VAV3: variants seen among roughly 807,000 people sequenced by gnomAD.
VAV3 encodes the protein guanine nucleotide exchange factor VAV3.
VAV3 carries 94 observed loss-of-function variants against 131.2 expected under a neutral mutation model. The ratio of observed to expected loss-of-function variants is 0.72; its 90% CI spans 0.61 to 0.85. The LOEUF is 0.85. Among genes scored for constraint, VAV3 ranks in the 40% least tolerant of loss-of-function variants. The pLI, the probability that VAV3 is intolerant of heterozygous loss-of-function variation, is 0.00. For synonymous variants in VAV3, 349 were observed against 342.0 expected, an observed-to-expected ratio of 1.02 and a Z score of -0.22; for missense variants, 939 against 1,002.7, an observed-to-expected ratio of 0.94 and a Z score of 0.86.
At chr1:107,818,521 A>T (rs868525877) in intron 2 of VAV3, among the ~76,000 whole-genome samples, 37 of 152,184 alleles carry the variant, frequency 2.4e-4, no homozygotes, top group African/African-American at 8.7e-4. Flanking sequence ...CATATTAGAA[A>T]AACAAACTAT....
chr1:107,635,628 A>AT (rs752034171), intron 20 of VAV3, among the ~76,000 whole-genome samples: 127 of 152,190 alleles, frequency 8.3e-4, no homozygotes, highest in Non-Finnish European at 1.7e-3. Flanking sequence ...AATAAAATAA[A>AT]TTTTTTAAAA....
chr1:107,871,270 T>C (rs1670240380), intron 2 of VAV3, among the ~76,000 whole-genome samples: 1 of 152,134 alleles, frequency 6.6e-6, no homozygotes. Flanking sequence ...AGATTCATCT[T>C]TTTTCAAAAG....
At chr1:107,719,853 TA>T (rs1661374069) in intron 15 of VAV3, among the ~76,000 whole-genome samples, 1 of 152,220 alleles carries the variant, frequency 6.6e-6, no homozygotes, top group Non-Finnish European at 1.5e-5. Flanking sequence ...ATGTGGCACA[TA>T]TACACCATGG....
chr1:107,924,252 T>C (rs1673046509), intron 1 of VAV3, among the ~76,000 whole-genome samples: 1 of 152,190 alleles, frequency 6.6e-6, no homozygotes, highest in African/African-American at 2.4e-5. Flanking sequence ...AGTAAATCTA[T>C]GTCATCGCTA....
At chr1:107,727,767 T>TA (rs1377912567) in intron 15 of VAV3, among the ~76,000 whole-genome samples, 1 of 152,146 alleles carries the variant, frequency 6.6e-6, no homozygotes, top group Non-Finnish European at 1.5e-5. Flanking sequence ...ACAAACCTAA[T>TA]ACTAAAACAC....
chr1:107,915,761 T>G (rs564477487), intron 1 of VAV3, among the ~76,000 whole-genome samples: 3 of 152,196 alleles, frequency 2.0e-5, no homozygotes, highest in Non-Finnish European at 4.4e-5. Flanking sequence ...AGTCTTTGAT[T>G]AGTGAATGAA....
intron 2 of VAV3, among the ~76,000 whole-genome samples, chr1:107,816,126 C>A (rs1235201402): frequency 6.6e-6 from 1 of 152,158 alleles, no homozygotes; most frequent in African/African-American, 2.4e-5. Flanking sequence ...AGGCCATGGA[C>A]CTGGTACTTG....
chr1:107,793,903 A>G (rs564471094), intron 2 of VAV3, among the ~76,000 whole-genome samples: 25 of 152,380 alleles, frequency 1.6e-4, no homozygotes, highest in African/African-American at 6.0e-4. Flanking sequence ...TAGGACAAGC[A>G]TTATGAAAAC....
intron 2 of VAV3, among the ~76,000 whole-genome samples, chr1:107,873,445 G>T (rs192259548): frequency 1.4e-4 from 22 of 152,090 alleles, no homozygotes; most frequent in Admixed American, 8.5e-4. Context: ...AAAAGAGAGG[G>T]TGAAAATAAA....
chr1:107,631,583 C>T (rs1249853697), intron 20 of VAV3, among the ~76,000 whole-genome samples: 2 of 149,684 alleles, frequency 1.3e-5, no homozygotes, highest in African/African-American at 4.9e-5. Flanking sequence ...CCCATTAACT[C>T]GTCATTTAGC....
chr1:107,688,409 G>C lies in VAV3; in HGVS notation c.1706-3C>G. On this transcript the variant is annotated splice_polypyrimidine_tract_variant and splice_region_variant and intron_variant, in intron 17 of 26. Coordinates refer to ENST00000370056, the MANE Select transcript of VAV3 (RefSeq NM_006113.5). Reference sequence around the variant, plus strand: ...TGGTAGTTTGAGTGTCCCTTGTTCTGAAAGAAATGTAAAAATTGGCATTGT... The same window carrying C: ...TGGTAGTTTGAGTGTCCCTTGTTCTCAAAGAAATGTAAAAATTGGCATTGT... 3.7e-6 allele frequency: 6 copies of C among 1,613,366 alleles called. No homozygotes were observed. Among genetic ancestry groups the C allele is most frequent in the Non-Finnish European group, 5.1e-6 (6 of 1,179,676 alleles).
At chr1:107,810,668 T>C (rs530491474) in intron 2 of VAV3, among the ~76,000 whole-genome samples, 5 of 152,144 alleles carry the variant, frequency 3.3e-5, no homozygotes, top group East Asian at 1.9e-4. Context: ...TCCCTCAGTG[T>C]TTGAGCTGAA....
At chr1:107,675,163 A>G (rs1313199198) in intron 19 of VAV3, among the ~76,000 whole-genome samples, 1 of 152,166 alleles carries the variant, frequency 6.6e-6, no homozygotes, top group African/African-American at 2.4e-5. Flanking sequence ...GAGATAACAC[A>G]TGTGTGTCGT....
intron 2 of VAV3, among the ~76,000 whole-genome samples, chr1:107,848,708 T>C (rs1041021459): frequency 3.9e-5 from 6 of 152,124 alleles, no homozygotes; most frequent in African/African-American, 1.4e-4. Context: ...AAAGCAATAT[T>C]GGAAGTCCTG....
intron 2 of VAV3, among the ~76,000 whole-genome samples, chr1:107,790,509 GAGA>G (rs1339865012): frequency 2.6e-5 from 4 of 152,304 alleles, no homozygotes; most frequent in East Asian, 3.9e-4. Flanking sequence ...CAGAGGAGAG[GAGA>G]AGAAGGAATA....
chr1:107,844,943 G>A (rs994023144), intron 2 of VAV3, among the ~76,000 whole-genome samples: 18 of 152,208 alleles, frequency 1.2e-4, no homozygotes, highest in Middle Eastern at 3.4e-3. Context: ...TCAGCACAGC[G>A]TTTGAGCTCT....
chr1:107,961,598 T>C (rs919049975), intron 1 of VAV3, among the ~76,000 whole-genome samples: 3 of 152,246 alleles, frequency 2.0e-5, no homozygotes, highest in African/African-American at 7.2e-5. Context: ...ATGTTAAATG[T>C]ATAACTAAAT....
chr1:107,675,591 A>C (rs1366870864), intron 19 of VAV3, among the ~76,000 whole-genome samples: 3 of 152,164 alleles, frequency 2.0e-5, no homozygotes, highest in African/African-American at 7.2e-5. Context: ...ATTGCCGTGA[A>C]GCAGGTAGTG....
chr1:107,784,439 T>C (rs1665875317), intron 2 of VAV3, among the ~76,000 whole-genome samples: 2 of 152,226 alleles, frequency 1.3e-5, no homozygotes, highest in Non-Finnish European at 2.9e-5. Context: ...CAATTATTTT[T>C]CTCGCCAAAG....
Sources: allele counts gnomAD v4.1 joint callset (sites outside exome capture counted in the v4.1 genomes callset), GRCh38; gene constraint gnomAD v4.1.1; transcripts MANE v1.5; gene names NCBI Gene and HGNC (gene_info 2026-07-23, HGNC 2026-07-21).